The following PATJ variants were observed in gnomAD, a reference collection of about 807,000 sequenced individuals.
PATJ encodes PATJ crumbs cell polarity complex component.
A neutral mutation model predicts 224.9 loss-of-function variants in PATJ; 190 were observed. The observed-to-expected ratio is 0.84, with a 90% CI of 0.75 to 0.95. The LOEUF is 0.95. Among genes scored for constraint, PATJ ranks in the 40% least tolerant of loss-of-function variants. The probability of loss-of-function intolerance (pLI) is 0.00; values close to 1 mark genes in which losing one functional copy is unlikely to be tolerated. For missense variants in PATJ, 2,121 were observed against 2,270.3 expected (o/e 0.93, Z 1.34); for synonymous variants, 769 against 820.3 (o/e 0.94, Z 1.07).
chr1:61,823,119 G>A (rs1346132809), intron 15 of PATJ, 40 bp downstream of exon 15: 1 of 1,608,000 alleles, frequency 6.2e-7, no homozygotes, highest in African/African-American at 1.3e-5. Context: ...GCAAGAATCT[G>A]TAAGTTTTAG....
At chr1:62,021,624 A>C (rs1355225877) in intron 29 of PATJ, among the ~76,000 whole-genome samples, 1 of 152,176 alleles carries the variant, frequency 6.6e-6, no homozygotes, top group Non-Finnish European at 1.5e-5. Flanking sequence ...TATTTTACAA[A>C]ATTCCTCATA....
At chr1:62,134,204 C>CTTT (rs71050201) in intron 41 of PATJ, among the ~76,000 whole-genome samples, 9 of 123,998 alleles carry the variant, frequency 7.3e-5, no homozygotes, top group Admixed American at 1.7e-4. Context: ...GTACTCTCGT[C>CTTT]TTTTTTTTTT....
At chr1:62,106,617 C>T (rs1035716308) in intron 33 of PATJ, among the ~76,000 whole-genome samples, 2 of 152,170 alleles carry the variant, frequency 1.3e-5, no homozygotes, top group East Asian at 3.9e-4. Context: ...TCTGAGGCTC[C>T]ATACTTCTGG....
chr1:61,776,880 A>T (rs541322534), intron 7 of PATJ, among the ~76,000 whole-genome samples: 1 of 151,850 alleles, frequency 6.6e-6, no homozygotes, highest in Non-Finnish European at 1.5e-5. Flanking sequence ...TGCCTGCCAC[A>T]ATGCCCAGCT....
intron 27 of PATJ, among the ~76,000 whole-genome samples, chr1:61,968,149 T>C (rs114795744): frequency 0.02 from 3,094 of 152,316 alleles, 74 homozygotes; most frequent in African/African-American, 0.053. Context: ...GTTGTCAGCT[T>C]ATTTTGACAG....
At chr1:61,948,342 A>G (rs907161627) in intron 27 of PATJ, among the ~76,000 whole-genome samples, 1 of 152,242 alleles carries the variant, frequency 6.6e-6, no homozygotes, top group Non-Finnish European at 1.5e-5. Context: ...TCCAGAATCT[A>G]CAATGAACTC....
At chr1:62,062,402 T>TTTTTTTTTTTTTTTTTTTTTTTTTTTG (rs1655663873) in intron 31 of PATJ, among the ~76,000 whole-genome samples, 1 of 141,058 alleles carries the variant, frequency 7.1e-6, no homozygotes, top group Non-Finnish European at 1.5e-5. Context: ...CTTTTTTTTT[T>TTTTTTTTTTTTTTTTTTTTTTTTTTTG]TTTTTTTTTT....
At chr1:62,014,562 C>T (rs1423714347) in intron 28 of PATJ, among the ~76,000 whole-genome samples, 4 of 84,540 alleles carry the variant, frequency 4.7e-5, no homozygotes, top group African/African-American at 9.3e-5. Flanking sequence ...CTTTTCTTTC[C>T]TTTTTTTTTT....
intron 42 of PATJ, among the ~76,000 whole-genome samples, chr1:62,152,112 C>T (rs565528581): frequency 6.6e-6 from 1 of 152,322 alleles, no homozygotes; most frequent in Admixed American, 6.5e-5. Context: ...ACAAGCACCA[C>T]ACATGGTACT....
intron 20 of PATJ, among the ~76,000 whole-genome samples, chr1:61,867,573 ATTTTT>A (rs59246792): frequency 6.9e-6 from 1 of 145,356 alleles, no homozygotes; most frequent in South Asian, 2.2e-4. Context: ...AATCTGTAAA[ATTTTT>A]TTTTTTTTTT....
intron 16 of PATJ, among the ~76,000 whole-genome samples, chr1:61,831,235 A>G (rs1392398586): frequency 4.6e-5 from 7 of 151,980 alleles, no homozygotes; most frequent in Non-Finnish European, 8.8e-5. Context: ...AAACCCTGGA[A>G]GAAAACCTAG....
chr1:61,811,994 G>A (rs1480490523), intron 14 of PATJ, among the ~76,000 whole-genome samples: 1 of 151,624 alleles, frequency 6.6e-6, no homozygotes, highest in Non-Finnish European at 1.5e-5. Flanking sequence ...CCGGGAGGCG[G>A]AGCTTGCAGT....
chr1:62,042,505 A>G (rs568408347), intron 30 of PATJ, among the ~76,000 whole-genome samples: 2 of 152,346 alleles, frequency 1.3e-5, no homozygotes, highest in Admixed American at 1.3e-4. Flanking sequence ...AGCCCATTCA[A>G]ATCATAACCA....
intron 27 of PATJ, among the ~76,000 whole-genome samples, chr1:61,980,210 A>G (rs529024646): frequency 6.6e-6 from 1 of 152,046 alleles, no homozygotes; most frequent in African/African-American, 2.4e-5. Context: ...GCTTGAGCCC[A>G]GGAGGTTGGG....
At chr1:61,836,302 C>T (rs1660168397) in intron 17 of PATJ, among the ~76,000 whole-genome samples, 1 of 151,744 alleles carries the variant, frequency 6.6e-6, no homozygotes, top group South Asian at 2.1e-4. Flanking sequence ...TCTTATTTAC[C>T]TCTCAATCAG....
intron 32 of PATJ, among the ~76,000 whole-genome samples, chr1:62,082,915 C>G (rs1331913226): frequency 6.6e-6 from 1 of 152,128 alleles, no homozygotes; most frequent in Non-Finnish European, 1.5e-5. Context: ...TTAGCTGCAG[C>G]TGACCAGCAG....
chr1:61,990,799 C>T (rs1229757146), intron 28 of PATJ, among the ~76,000 whole-genome samples: 1 of 151,920 alleles, frequency 6.6e-6, no homozygotes, highest in Non-Finnish European at 1.5e-5. Flanking sequence ...GTGAACTTCT[C>T]AAAAATAATA....
chr1:61,958,335 T>C (rs2482881), intron 27 of PATJ, among the ~76,000 whole-genome samples: 131,160 of 152,248 alleles, frequency 0.86, 56,547 homozygotes, highest in Admixed American at 0.9. Context: ...ACTGTTCAAA[T>C]ATTACCTTAA....
At chr1:61,941,001 C>T (rs1034313608) in intron 27 of PATJ, among the ~76,000 whole-genome samples, 3 of 152,066 alleles carry the variant, frequency 2.0e-5, no homozygotes, top group Non-Finnish European at 4.4e-5. Flanking sequence ...TACTTTTTCT[C>T]TTCTTACTCT....
Sources: allele counts gnomAD v4.1 joint callset (sites outside exome capture counted in the v4.1 genomes callset), GRCh38; gene constraint gnomAD v4.1.1; transcripts MANE v1.5; gene names NCBI Gene and HGNC (gene_info 2026-07-23, HGNC 2026-07-21).